The following COMMD1 variants were observed in gnomAD, a reference collection of about 807,000 sequenced individuals.
The protein encoded by COMMD1 is COMM domain-containing protein 1.
In COMMD1, 10 loss-of-function variants were observed where a neutral mutation model predicts 17.2. The observed-to-expected ratio is 0.58, with a 90% CI of 0.36 to 0.99. COMMD1 has a LOEUF of 0.99. Among genes scored for constraint, COMMD1 ranks in the 50% least tolerant of loss-of-function variants. The pLI is 0.01. For missense variants in COMMD1, 270 were observed against 231.8 expected, an observed-to-expected ratio of 1.17 and a Z score of -1.07; for synonymous variants, 97 against 91.6, an observed-to-expected ratio of 1.06 and a Z score of -0.34.
In COMMD1 at chr2:61,955,732, C is replaced by T. The variant is rs975278438; in HGVS notation, c.181-44969C>T. 3.9e-5 allele frequency among the ~76,000 whole-genome samples: 6 copies of T among 152,238 alleles called. No homozygotes were observed. In the Middle Eastern group the frequency reaches 0.01, roughly 259 times the overall value. Reference sequence around the variant, plus strand: ...TGGAGTTTTGCTCTTGTCACCTGGGCTGGAGTGTGACGGCACGACCTCGGC... The same window carrying T: ...TGGAGTTTTGCTCTTGTCACCTGGGTTGGAGTGTGACGGCACGACCTCGGC... On this transcript the variant is annotated intron_variant, in intron 1 of 2. Coordinates refer to ENST00000311832, the MANE Select transcript of COMMD1 (RefSeq NM_152516.4).
intron 1 of COMMD1, among the ~76,000 whole-genome samples, chr2:61,997,116 A>G (rs932140918): frequency 4.0e-5 from 6 of 150,818 alleles, no homozygotes; most frequent in Non-Finnish European, 7.4e-5. Context: ...CAGGAGTGCA[A>G]TGGTGCCATC....
intron 2 of COMMD1, among the ~76,000 whole-genome samples, chr2:62,120,077 A>G (rs1444649499): frequency 2.0e-5 from 3 of 152,160 alleles, no homozygotes; most frequent in African/African-American, 7.2e-5. Flanking sequence ...AGCTCACTAC[A>G]GCCTTGACCT....
chr2:62,063,870 T>TATATAC (rs1384096415), intron 2 of COMMD1, among the ~76,000 whole-genome samples: 1 of 44,496 alleles, frequency 2.2e-5, no homozygotes, highest in Non-Finnish European at 5.6e-5. Flanking sequence ...CTCTACAAAA[T>TATATAC]ATATATATAT....
chr2:62,085,221 ATT>A (rs36006181), intron 2 of COMMD1, among the ~76,000 whole-genome samples: 2 of 144,394 alleles, frequency 1.4e-5, no homozygotes, highest in Non-Finnish European at 3.0e-5. Context: ...TACAGTTTGA[ATT>A]TTTTTTTTTT....
chr2:62,046,062 A>C (rs1670375969), intron 2 of COMMD1, among the ~76,000 whole-genome samples: 1 of 152,116 alleles, frequency 6.6e-6, no homozygotes, highest in African/African-American at 2.4e-5. Context: ...AATTCCTCCC[A>C]ATGTCAGCTT....
chr2:62,080,221 G>A (rs536285670), intron 2 of COMMD1, among the ~76,000 whole-genome samples: 3 of 152,250 alleles, frequency 2.0e-5, no homozygotes, highest in Admixed American at 6.5e-5. Context: ...GGGAGGCTAA[G>A]GCAGGAGAAT....
intron 1 of COMMD1, among the ~76,000 whole-genome samples, chr2:61,914,283 GAATTTC>G (rs1669993242): frequency 6.6e-6 from 1 of 152,110 alleles, no homozygotes; most frequent in Admixed American, 6.5e-5. Context: ...GCTCTTTGAG[GAATTTC>G]ACTAGCTTGT....
rs577164470 is a variant in COMMD1, at chr2:61,982,606, A to G, written c.181-18095A>G. Reference sequence around the variant, plus strand: ...TTAGTTTTCCTCTATTCAGTACGATACTAGCTATGGATCTGTCATATATGG... The same window carrying G: ...TTAGTTTTCCTCTATTCAGTACGATGCTAGCTATGGATCTGTCATATATGG... On this transcript the variant is annotated intron_variant, in intron 1 of 2. Coordinates refer to ENST00000311832, the MANE Select transcript of COMMD1 (RefSeq NM_152516.4). Among the ~76,000 whole-genome samples the G allele has an allele frequency of 5.3e-5, 8 of 152,250 alleles. 1 individual carries two copies. The highest frequency in any genetic ancestry group is 3.9e-4 in the Admixed American group (6 of 15,288).
At chr2:62,067,102 G>A (rs1405447086) in intron 2 of COMMD1, among the ~76,000 whole-genome samples, 1 of 152,072 alleles carries the variant, frequency 6.6e-6, no homozygotes, top group African/African-American at 2.4e-5. Flanking sequence ...GCTCATGCCT[G>A]TAATCCCAGC....
chr2:62,112,414 G>A (rs1396765147), intron 2 of COMMD1, among the ~76,000 whole-genome samples: 2 of 152,142 alleles, frequency 1.3e-5, no homozygotes, highest in African/African-American at 4.8e-5. Flanking sequence ...TTGTTTCTCC[G>A]GAACAATGTC....
At chr2:62,036,054 TCACACACACACACACACA>T (rs70946776) in intron 2 of COMMD1, among the ~76,000 whole-genome samples, 18 of 143,314 alleles carry the variant, frequency 1.3e-4, no homozygotes, top group African/African-American at 4.6e-4. Context: ...ACCCTGTCTC[TCACACACACACACACACA>T]CACACACACA....
intron 1 of COMMD1, 100 bp from the exon 2 acceptor site, chr2:62,000,601 G>C: frequency 1.7e-6 from 2 of 1,172,926 alleles, no homozygotes; most frequent in East Asian, 5.0e-5. Context: ...CTATTTCAGT[G>C]ATTTAAGAGT....
chr2:61,964,152 A>C (rs1464629125), intron 1 of COMMD1, among the ~76,000 whole-genome samples: 4 of 152,220 alleles, frequency 2.6e-5, no homozygotes, highest in Non-Finnish European at 5.9e-5. Context: ...TGCCATAGCA[A>C]TCATATCACT....
intron 1 of COMMD1, among the ~76,000 whole-genome samples, chr2:61,923,640 T>G (rs1204233274): frequency 6.6e-6 from 1 of 152,140 alleles, no homozygotes; most frequent in Non-Finnish European, 1.5e-5. Context: ...TGAGATAAGA[T>G]GATAAAGGGG....
At chr2:62,114,240 G>A (rs749768009) in intron 2 of COMMD1, among the ~76,000 whole-genome samples, 1 of 152,214 alleles carries the variant, frequency 6.6e-6, no homozygotes, top group Non-Finnish European at 1.5e-5. Flanking sequence ...TGCAGCTGCT[G>A]TATTTCTTGT....
chr2:62,017,748 T>C (rs1669493840), intron 2 of COMMD1, among the ~76,000 whole-genome samples: 1 of 151,654 alleles, frequency 6.6e-6, no homozygotes, highest in Non-Finnish European at 1.5e-5. Flanking sequence ...TTAAAAACGC[T>C]GACTTCAGGC....
intron 1 of COMMD1, among the ~76,000 whole-genome samples, chr2:61,990,954 G>A (rs1397046005): frequency 7.1e-6 from 1 of 141,092 alleles, no homozygotes; most frequent in Admixed American, 7.3e-5. Flanking sequence ...TGCCAGGCAT[G>A]GTGGTGCATG....
upstream of COMMD1, among the ~76,000 whole-genome samples, chr2:61,900,671 C>G (rs149112082): frequency 1.8e-3 from 267 of 152,136 alleles, no homozygotes; most frequent in African/African-American, 6.0e-3. Flanking sequence ...TCTGGGGTCC[C>G]CTTGGCCAAG....
intron 2 of COMMD1, among the ~76,000 whole-genome samples, chr2:62,023,777 G>A (rs1314447266): frequency 1.3e-5 from 2 of 152,098 alleles, no homozygotes. Context: ...GAGCCACGGC[G>A]CTTGGCCTAT....
Sources: gnomAD v4.1 joint callset for allele counts (sites outside exome capture counted in the v4.1 genomes callset) on GRCh38, gnomAD v4.1.1 for gene constraint, MANE v1.5 for transcripts, NCBI Gene and HGNC (gene_info 2026-07-23, HGNC 2026-07-21) for gene names.